EBF1: variants seen among roughly 807,000 people sequenced by gnomAD.
The protein encoded by EBF1 is transcription factor COE1.
Under a neutral mutation model 68.4 loss-of-function variants are expected in EBF1, and 10 were observed. The observed-to-expected ratio is 0.15, with a 90% CI of 0.09 to 0.25. The LOEUF (loss-of-function observed/expected upper bound fraction) is 0.25, where lower values mean the gene tolerates loss of function less well. Among genes scored for constraint, EBF1 ranks in the 10% least tolerant of loss-of-function variants. The pLI is 1.00. For synonymous variants in EBF1, 298 were observed against 299.8 expected (o/e 0.99, Z 0.06); for missense variants, 509 against 794.4 (o/e 0.64, Z 4.32).
intron 4 of EBF1, among the ~76,000 whole-genome samples, chr5:159,089,562 A>G (rs779690018): frequency 2.7e-4 from 41 of 152,168 alleles, no homozygotes; most frequent in Non-Finnish European, 5.0e-4. Context: ...CAAAGGAAAT[A>G]CAGAGAATTG....
chr5:158,955,414 T>A (rs1816866523), intron 6 of EBF1, among the ~76,000 whole-genome samples: 1 of 152,100 alleles, frequency 6.6e-6, no homozygotes, highest in Non-Finnish European at 1.5e-5. Flanking sequence ...AGACGCAGGA[T>A]TCAAACTGAG....
intron 6 of EBF1, among the ~76,000 whole-genome samples, chr5:159,004,900 C>T (rs1017470752): frequency 6.6e-5 from 10 of 152,124 alleles, no homozygotes; most frequent in African/African-American, 2.4e-4. Flanking sequence ...TATATCTGCC[C>T]ATACTTCTCA....
At chr5:159,062,114 C>T (rs1775956701) in intron 6 of EBF1, among the ~76,000 whole-genome samples, 1 of 152,294 alleles carries the variant, frequency 6.6e-6, no homozygotes, top group Admixed American at 6.5e-5. Context: ...TCAATGAGGA[C>T]GACTCACGGC....
chr5:158,721,675 G>A (rs991451983), intron 11 of EBF1, among the ~76,000 whole-genome samples: 1 of 152,134 alleles, frequency 6.6e-6, no homozygotes, highest in African/African-American at 2.4e-5. Flanking sequence ...GTTCGATCGT[G>A]TGACCTCTGA....
intron 6 of EBF1, among the ~76,000 whole-genome samples, chr5:159,041,154 C>T (rs571088884): frequency 3.3e-5 from 5 of 152,340 alleles, no homozygotes; most frequent in East Asian, 1.9e-4. Context: ...CTGAGCTTGA[C>T]CAATCCCCAA....
At chr5:158,940,380 TG>T (rs1339070738) in intron 6 of EBF1, among the ~76,000 whole-genome samples, 1 of 152,218 alleles carries the variant, frequency 6.6e-6, no homozygotes, top group Non-Finnish European at 1.5e-5. Flanking sequence ...CCTCTACTAC[TG>T]TGTCCAGAAC....
chr5:159,079,840 C>T (rs1779442512), intron 5 of EBF1, among the ~76,000 whole-genome samples: 1 of 152,028 alleles, frequency 6.6e-6, no homozygotes, highest in South Asian at 2.1e-4. Context: ...GTCTTGAACT[C>T]TTGGCCTCAA....
At chr5:158,875,732 A>C (rs1302902489) in intron 6 of EBF1, among the ~76,000 whole-genome samples, 1 of 152,266 alleles carries the variant, frequency 6.6e-6, no homozygotes, top group East Asian at 1.9e-4. Context: ...TATTTGAATA[A>C]GAGTTAATAT....
chr5:158,949,222 A>G (rs1815479947), intron 6 of EBF1, among the ~76,000 whole-genome samples: 1 of 152,208 alleles, frequency 6.6e-6, no homozygotes, highest in African/African-American at 2.4e-5. Flanking sequence ...ATCCATAATC[A>G]CTTGTCTCTT....
At chr5:158,852,200 T>C (rs539312662) in intron 6 of EBF1, among the ~76,000 whole-genome samples, 1 of 149,544 alleles carries the variant, frequency 6.7e-6, no homozygotes, top group African/African-American at 2.5e-5. Flanking sequence ...ACAAAAGGGA[T>C]CAGCTGAAAA....
At chr5:158,935,401 G>A (rs370950162) in intron 6 of EBF1, among the ~76,000 whole-genome samples, 50 of 152,336 alleles carry the variant, frequency 3.3e-4, no homozygotes, top group African/African-American at 1.1e-3. Flanking sequence ...AAGCCTCTGG[G>A]GAGCCATGGG....
At chr5:158,937,002 G>T (rs956772415) in intron 6 of EBF1, among the ~76,000 whole-genome samples, 2 of 152,046 alleles carry the variant, frequency 1.3e-5, no homozygotes, top group Admixed American at 1.3e-4. Context: ...GCAACCGAAA[G>T]CTTGGCTTGG....
At chr5:158,896,605 T>G (rs1341244652) in intron 6 of EBF1, among the ~76,000 whole-genome samples, 3 of 152,162 alleles carry the variant, frequency 2.0e-5, no homozygotes, top group Non-Finnish European at 4.4e-5. Flanking sequence ...GGACTCAAAT[T>G]GTATGATTTC....
At chr5:158,890,446 G>C (rs1800949298) in intron 6 of EBF1, among the ~76,000 whole-genome samples, 1 of 152,120 alleles carries the variant, frequency 6.6e-6, no homozygotes, top group African/African-American at 2.4e-5. Context: ...TTCTCAACGA[G>C]CTCCATTAAT....
chr5:158,823,876 A>G (rs1785416566), intron 7 of EBF1, among the ~76,000 whole-genome samples: 1 of 151,906 alleles, frequency 6.6e-6, no homozygotes, highest in African/African-American at 2.4e-5. Flanking sequence ...CCTCACTACT[A>G]TTACCATCAC....
chr5:158,936,693 C>T (rs1299985144), intron 6 of EBF1, among the ~76,000 whole-genome samples: 1 of 152,202 alleles, frequency 6.6e-6, no homozygotes, highest in African/African-American at 2.4e-5. Flanking sequence ...CATCTGTCTA[C>T]AGCTATGCAC....
chr5:159,065,860 G>GCAT (rs928637044), intron 6 of EBF1, among the ~76,000 whole-genome samples: 1 of 152,086 alleles, frequency 6.6e-6, no homozygotes, highest in African/African-American at 2.4e-5. Flanking sequence ...GGATTTACTG[G>GCAT]CATTTACTTT....
intron 6 of EBF1, among the ~76,000 whole-genome samples, chr5:158,934,618 G>T (rs1191155021): frequency 1.3e-5 from 2 of 152,166 alleles, no homozygotes; most frequent in African/African-American, 4.8e-5. Context: ...TACAGAGTCT[G>T]GCACTGTAGA....
At chr5:158,940,323 C>T (rs944600184) in intron 6 of EBF1, among the ~76,000 whole-genome samples, 7 of 152,152 alleles carry the variant, frequency 4.6e-5, no homozygotes, top group Non-Finnish European at 8.8e-5. Flanking sequence ...ATTGGAGGTC[C>T]CACATCAGAT....
Sources: gnomAD v4.1 joint callset for allele counts (sites outside exome capture counted in the v4.1 genomes callset) on GRCh38, gnomAD v4.1.1 for gene constraint, MANE v1.5 for transcripts, NCBI Gene and HGNC (gene_info 2026-07-23, HGNC 2026-07-21) for gene names.